Variants in ENPP1 observed in about 807,000 individuals in gnomAD.
ENPP1 encodes ectonucleotide pyrophosphatase/phosphodiesterase family member 1.
ENPP1 carries 73 observed loss-of-function variants against 122.8 expected under a neutral mutation model. The ratio of observed to expected loss-of-function variants is 0.59; its 90% CI spans 0.49 to 0.72. The LOEUF is 0.72. ENPP1 is among the 30% of genes least tolerant of loss of function. ENPP1 has a pLI of 0.00. For synonymous variants in ENPP1, 367 were observed against 391.6 expected (o/e 0.94, Z 0.74); for missense variants, 978 against 1,128.1 (o/e 0.87, Z 1.91).
At chr6:131,859,606 G>A (rs199807086) in intron 7 of ENPP1, among the ~76,000 whole-genome samples, 2 of 16,614 alleles carry the variant, frequency 1.2e-4, no homozygotes, top group African/African-American at 5.7e-4. Context: ...ACCTAGGGGC[G>A]GATGGGGGGA....
At chr6:131,884,645 T>A (rs756918690) in intron 22 of ENPP1, among the ~76,000 whole-genome samples, 2 of 152,142 alleles carry the variant, frequency 1.3e-5, no homozygotes, top group Non-Finnish European at 2.9e-5. Context: ...CATGGTGATG[T>A]GCACCTGTAG....
At chr6:131,878,994 T>C (rs1005109902) in intron 19 of ENPP1, among the ~76,000 whole-genome samples, 1 of 152,238 alleles carries the variant, frequency 6.6e-6, no homozygotes, top group Non-Finnish European at 1.5e-5. Context: ...AAGTTATTTC[T>C]GCATCACTTT....
chr6:131,888,583 A>C (rs1782419892), intron 24 of ENPP1, among the ~76,000 whole-genome samples: 1 of 152,164 alleles, frequency 6.6e-6, no homozygotes, highest in African/African-American at 2.4e-5. Flanking sequence ...AAATTCATGA[A>C]GATATGTCTC....
At chr6:131,831,114 C>CAAAAAAAAAAAAAAA (rs3036850) in intron 1 of ENPP1, among the ~76,000 whole-genome samples, 7 of 60,008 alleles carry the variant, frequency 1.2e-4, no homozygotes, top group South Asian at 6.9e-4. Context: ...GCCCATCTCT[C>CAAAAAAAAAAAAAAA]AAAAAAAAAA....
chr6:131,860,359 T>C, intron 7 of ENPP1, 28 bp from the exon 8 acceptor site: 1 of 1,557,198 alleles, frequency 6.4e-7, no homozygotes, highest in Non-Finnish European at 8.8e-7. Flanking sequence ...AAACACAACT[T>C]GCATATAATC....
intron 15 of ENPP1, among the ~76,000 whole-genome samples, chr6:131,873,919 A>G (rs1782195176): frequency 6.6e-6 from 1 of 152,178 alleles, no homozygotes; most frequent in Admixed American, 6.6e-5. Flanking sequence ...TTTAGGCTAT[A>G]TCATTGAATT....
chr6:131,808,398 C>CT, intron 1 of ENPP1, 123 bp downstream of exon 1: 3 of 1,223,466 alleles, frequency 2.5e-6, no homozygotes, highest in Non-Finnish European at 3.2e-6. Context: ...TCCGGGAGTG[C>CT]TTCTTCGCCC....
intron 1 of ENPP1, chr6:131,826,003 T>G (rs1781542422): frequency 1.4e-6 from 1 of 692,810 alleles, no homozygotes; most frequent in African/African-American, 1.7e-5. Context: ...TAAGCACGTC[T>G]GTAAATATTC....
At chr6:131,862,320 G>A (rs1332082410) in intron 9 of ENPP1, among the ~76,000 whole-genome samples, 2 of 152,174 alleles carry the variant, frequency 1.3e-5, no homozygotes, top group African/African-American at 4.8e-5. Flanking sequence ...AGATCTGGGA[G>A]TGGGAGTACT....
At chr6:131,873,796 G>A (rs1428209552) in intron 15 of ENPP1, among the ~76,000 whole-genome samples, 2 of 151,928 alleles carry the variant, frequency 1.3e-5, no homozygotes, top group African/African-American at 4.8e-5. Flanking sequence ...TTATTGGAGA[G>A]CTGGGCTTTT....
chr6:131,886,436 C>T, intron 23 of ENPP1, 126 bp from the exon 24 acceptor site: 1 of 732,468 alleles, frequency 1.4e-6, no homozygotes, highest in Non-Finnish European at 2.3e-6. Context: ...TGATTACTAG[C>T]TTCTTATATT....
At chr6:131,832,134 G>A (rs1409338122) in intron 1 of ENPP1, among the ~76,000 whole-genome samples, 3 of 149,990 alleles carry the variant, frequency 2.0e-5, no homozygotes, top group Non-Finnish European at 4.4e-5. Flanking sequence ...TTACTTTCTG[G>A]CCCTACAGGA....
rs541509820 is a variant in ENPP1, at chr6:131,813,666, C to T, written c.240+5391C>T. 2.0e-5 allele frequency among the ~76,000 whole-genome samples: 3 copies of T among 152,232 alleles called. No individual in the cohort carries two copies. In the East Asian group the frequency reaches 5.8e-4, roughly 29 times the overall value. ...ACTTGGTGTCTTATTGCCACAGAGA[C>T]GTTTTCGCGGTCTTATTTCTATTGT... On this transcript the variant is annotated intron_variant, in intron 1 of 24. Coordinates refer to ENST00000647893, the MANE Select transcript of ENPP1 (RefSeq NM_006208.3).
intron 1 of ENPP1, chr6:131,827,857 T>G (rs1781564288): frequency 7.1e-7 from 1 of 1,403,080 alleles, no homozygotes; most frequent in East Asian, 2.3e-5. Flanking sequence ...AAGCAAAATC[T>G]TGGACTCGGA....
intron 3 of ENPP1, 88 bp from the exon 4 acceptor site, chr6:131,851,054 T>A: frequency 1.4e-6 from 2 of 1,451,534 alleles, no homozygotes; most frequent in East Asian, 4.5e-5. Context: ...TGCTCATGGA[T>A]CATACTCAGG....
intron 1 of ENPP1, among the ~76,000 whole-genome samples, chr6:131,817,211 C>G (rs1781425852): frequency 6.6e-6 from 1 of 152,206 alleles, no homozygotes; most frequent in South Asian, 2.1e-4. Flanking sequence ...GGACTAATAG[C>G]TAATGCCATC....
rs1332955670 is a variant in ENPP1 at position 131,864,883 on chromosome 6, T to C, written c.1109T>C (p.Leu370Pro). The C allele has an allele frequency of 6.2e-7, 1 of 1,602,980 alleles. No homozygotes were observed. Among genetic ancestry groups the C allele is most frequent in the Non-Finnish European group, 8.5e-7 (1 of 1,169,998 alleles). The part of the protein sequence containing the change: ...PKDERPHFYT[L>P]YLEEPDSSGH... ...TGATTTAGACCACACTTTTACACTCTGTATTTAGAAGAACCAGATTCTTCA... is the reference window on the plus strand; with the variant it reads ...TGATTTAGACCACACTTTTACACTCCGTATTTAGAAGAACCAGATTCTTCA... The change falls in exon 11 of 25, where the codon CTG becomes CCG. Residue 370 changes from leucine (L) to proline (P), a missense_variant. Physicochemically the swap from Leu to Pro is moderately conservative, Grantham distance 98. Around this residue, in one of 3 missense-constraint regions of ENPP1, gnomAD observed 644 missense variants for 781.5 expected, o/e 0.82. Transcript: ENST00000647893.
chr6:131,860,190 A>G (rs1270378771), intron 7 of ENPP1, among the ~76,000 whole-genome samples, 197 bp from the exon 8 acceptor site: 1 of 152,172 alleles, frequency 6.6e-6, no homozygotes, highest in East Asian at 1.9e-4. Context: ...CTATTACATA[A>G]TTTAAATCAC....
chr6:131,888,726 T>C (rs1337663781), intron 24 of ENPP1, among the ~76,000 whole-genome samples: 2 of 151,588 alleles, frequency 1.3e-5, no homozygotes, highest in Non-Finnish European at 3.0e-5. Flanking sequence ...GATGATTATC[T>C]GACTCCACTG....
Sources: gnomAD v4.1 joint callset for allele counts (sites outside exome capture counted in the v4.1 genomes callset) on GRCh38, gnomAD v4.1.1 for gene constraint, gnomAD v4.1.1 regional missense constraint, MANE v1.5 for transcripts, NCBI Gene and HGNC (gene_info 2026-07-23, HGNC 2026-07-21) for gene names.